Variants in NUP160 observed in about 807,000 individuals in gnomAD.
The protein encoded by NUP160 is nuclear pore complex protein Nup160.
In NUP160, 94 loss-of-function variants were observed where a neutral mutation model predicts 196.9. That is an observed-to-expected ratio of 0.48 (90% CI 0.40 to 0.57). The LOEUF (loss-of-function observed/expected upper bound fraction) is 0.57, where lower values mean the gene tolerates loss of function less well. Among genes scored for constraint, NUP160 ranks in the 20% least tolerant of loss-of-function variants. The probability of loss-of-function intolerance (pLI) is 0.00; values close to 1 mark genes in which losing one functional copy is unlikely to be tolerated. For synonymous variants in NUP160, 605 were observed against 619.7 expected, an observed-to-expected ratio of 0.98 and a Z score of 0.35; for missense variants, 1,638 against 1,748.3, an observed-to-expected ratio of 0.94 and a Z score of 1.13.
At chr11:47,815,422 T>A in intron 13 of NUP160, 57 bp downstream of exon 13, 1 of 1,377,146 alleles carries the variant, frequency 7.3e-7, no homozygotes, top group Non-Finnish European at 9.6e-7. Context: ...AGGCATTTTG[T>A]TATAACAGCC....
chr11:47,782,658 T>C (rs1363901831), intron 34 of NUP160, among the ~76,000 whole-genome samples: 1 of 151,764 alleles, frequency 6.6e-6, no homozygotes, highest in African/African-American at 2.4e-5. Flanking sequence ...ATTTATTATT[T>C]ATTTATTTAT....
chr11:47,797,081 C>A (rs549092809), intron 27 of NUP160, among the ~76,000 whole-genome samples: 1 of 152,274 alleles, frequency 6.6e-6, no homozygotes, highest in South Asian at 2.1e-4. Context: ...TGCGGAATAT[C>A]ATCTATTATA....
chr11:47,782,833 A>G (rs1003283649), intron 34 of NUP160, among the ~76,000 whole-genome samples: 2 of 151,900 alleles, frequency 1.3e-5, no homozygotes, highest in Admixed American at 1.3e-4. Flanking sequence ...TAATTTCTGT[A>G]TTTTTAGTAG....
At chr11:47,846,086 T>C (rs1298711572) in intron 2 of NUP160, among the ~76,000 whole-genome samples, 2 of 148,016 alleles carry the variant, frequency 1.4e-5, no homozygotes, top group East Asian at 4.0e-4. Flanking sequence ...CAGTAAGCCA[T>C]AATTGCACCA....
intron 7 of NUP160, among the ~76,000 whole-genome samples, chr11:47,827,608 G>A (rs1337604761): frequency 6.6e-6 from 1 of 151,864 alleles, no homozygotes; most frequent in Admixed American, 6.6e-5. Flanking sequence ...ACTCTACTCA[G>A]AAGGCTGAGG....
At chr11:47,786,032 A>C (rs551792406) in intron 32 of NUP160, among the ~76,000 whole-genome samples, 99 of 152,348 alleles carry the variant, frequency 6.5e-4, no homozygotes, top group African/African-American at 2.2e-3. Context: ...GGTATAGTGG[A>C]TGATGGGGGC....
In NUP160 at chr11:47,782,302, AAATATATATATATATATAT is replaced by A. The variant is rs1363265693; in HGVS notation, c.4116+752_4116+770del. Among the ~76,000 whole-genome samples the A allele has an allele frequency of 7.5e-4, 32 of 42,602 alleles. 3 individuals are homozygous for A. Among genetic ancestry groups the A allele is most frequent in the East Asian group, 6.0e-3 (8 of 1,332 alleles). The allele number at this position is 42,602 out of a possible 152,430, so 27.9% of individuals were successfully genotyped here. A position where few individuals can be genotyped will look rare whatever the true frequency, so the allele number is the denominator to read the frequency against. On this transcript the variant is annotated intron_variant, in intron 34 of 35. Coordinates refer to ENST00000378460, the Ensembl canonical transcript of NUP160. ...GCAAAACTCAGTTAAAAAAAAAAAA[AAATATATATATATATATAT>A]ATATATATATATATATATATATATA...
At chr11:47,840,992 G>A (rs1852284452) in intron 2 of NUP160, among the ~76,000 whole-genome samples, 1 of 149,712 alleles carries the variant, frequency 6.7e-6, no homozygotes, top group South Asian at 2.1e-4. Flanking sequence ...TTCTTAACCT[G>A]CAATAGCATG....
intron 30 of NUP160, 24 bp from the exon 31 acceptor site, chr11:47,788,329 T>G: frequency 6.2e-7 from 1 of 1,613,384 alleles, no homozygotes; most frequent in African/African-American, 1.3e-5. Context: ...AAAAGATTAT[T>G]TCGTGTAGCC....
intron 7 of NUP160, chr11:47,827,159 G>C (rs1240672932): frequency 6.6e-6 from 3 of 455,926 alleles, no homozygotes; most frequent in East Asian, 7.0e-5. Context: ...TTGAACTCAG[G>C]AGTTTGAGAC....
chr11:47,780,433 T>C lies in NUP160; in HGVS notation c.4131A>G (p.Ala1377=). 1.9e-6 allele frequency: 3 copies of C among 1,612,418 alleles called. No individual in the cohort carries two copies. In the South Asian group the frequency reaches 3.3e-5, roughly 18 times the overall value. ...ATGGAAGCCACACCATTGGGGCTGT[T>C]GCGGACAGTGGAAACTAAAAGGAAA... The change falls in exon 35 of 36, where the codon GCA becomes GCG. Residue 1377 remains alanine, a synonymous_variant. Coordinates refer to ENST00000378460, the Ensembl canonical transcript of NUP160.
intron 7 of NUP160, among the ~76,000 whole-genome samples, chr11:47,830,779 T>C (rs1343424042): frequency 2.0e-5 from 3 of 151,814 alleles, no homozygotes; most frequent in Non-Finnish European, 4.4e-5. Flanking sequence ...TCCTGGGTGA[T>C]GAGAAAATCT....
At position 47,788,166 on chromosome 11, in the gene NUP160, A is replaced by T; in HGVS notation, c.3746+16T>A. ...TTGCATTAGAAAAGACTATAAAAAA[A>T]TAATTTTATACATACTTGAAGGCAA... On this transcript the variant is annotated intron_variant, in intron 31 of 35. Transcript: ENST00000378460. 6.3e-7 allele frequency: 1 copy of T among 1,597,246 alleles called. No individual in the cohort carries two copies. The highest frequency in any genetic ancestry group is 1.1e-5 in the South Asian group (1 of 88,770).
chr11:47,836,750 C>T (rs1852183450), intron 6 of NUP160, 137 bp downstream of exon 6: 1 of 537,520 alleles, frequency 1.9e-6, no homozygotes, highest in Admixed American at 3.2e-5. Flanking sequence ...CTAAATGAAA[C>T]TGTCTGAATC....
intron 18 of NUP160, among the ~76,000 whole-genome samples, chr11:47,807,435 G>A (rs1352027591): frequency 6.6e-6 from 1 of 152,174 alleles, no homozygotes; most frequent in African/African-American, 2.4e-5. Flanking sequence ...GGAGGCTGAG[G>A]CGGGTGGATC....
intron 7 of NUP160, among the ~76,000 whole-genome samples, chr11:47,822,401 G>C (rs1422469695): frequency 1.3e-5 from 2 of 151,902 alleles, no homozygotes; most frequent in Non-Finnish European, 2.9e-5. Flanking sequence ...GGGATTACAG[G>C]TGCCCGCCAC....
intron 7 of NUP160, among the ~76,000 whole-genome samples, chr11:47,831,609 C>A (rs567170069): frequency 1.3e-5 from 2 of 151,136 alleles, no homozygotes; most frequent in Admixed American, 1.3e-4. Flanking sequence ...TTTGGGAGGC[C>A]GAGGCAGGCG....
At chr11:47,839,240 G>A (rs1374877803) in intron 4 of NUP160, among the ~76,000 whole-genome samples, 1 of 151,952 alleles carries the variant, frequency 6.6e-6, no homozygotes, top group Non-Finnish European at 1.5e-5. Flanking sequence ...TACAGGCATG[G>A]GCCACCATGC....
intron 23 of NUP160, 143 bp from the exon 24 acceptor site, chr11:47,798,606 A>G: frequency 1.7e-6 from 1 of 602,882 alleles, no homozygotes; most frequent in East Asian, 2.8e-5. Flanking sequence ...GGGAGGCTGA[A>G]GCAGCAGGAT....
Sources: gnomAD v4.1 joint callset for allele counts (sites outside exome capture counted in the v4.1 genomes callset) on GRCh38, gnomAD v4.1.1 for gene constraint, MANE v1.5 for transcripts, NCBI Gene and HGNC (gene_info 2026-07-23, HGNC 2026-07-21) for gene names.